The following CMBL variants were observed in gnomAD, a reference collection of about 807,000 sequenced individuals.
CMBL encodes the protein carboxymethylenebutenolidase homolog (Pseudomonas).
Under a neutral mutation model 28.7 loss-of-function variants are expected in CMBL, and 17 were observed. The ratio of observed to expected loss-of-function variants is 0.59; its 90% confidence interval spans 0.41 to 0.89. The LOEUF (loss-of-function observed/expected upper bound fraction) is 0.89. Among genes scored for constraint, CMBL ranks in the 40% least tolerant of loss-of-function variants. The pLI is 0.00. For synonymous variants in CMBL, 106 were observed against 101.6 expected (o/e 1.04, Z -0.26); for missense variants, 310 against 298.5 (o/e 1.04, Z -0.28).
intron 5 of CMBL, among the ~76,000 whole-genome samples, chr5:10,281,940 A>C (rs1302809199): frequency 6.6e-6 from 1 of 152,098 alleles, no homozygotes; most frequent in African/African-American, 2.4e-5. Flanking sequence ...CAGGCAGATC[A>C]CCTGAAGTCA....
At chr5:10,283,306 C>T (rs1746536465) in intron 4 of CMBL, among the ~76,000 whole-genome samples, 1 of 152,134 alleles carries the variant, frequency 6.6e-6, no homozygotes, top group Non-Finnish European at 1.5e-5. Flanking sequence ...AATGTCAAAC[C>T]TTCGCTTGAG....
intron 1 of CMBL, among the ~76,000 whole-genome samples, chr5:10,291,666 C>CAA (rs34862174): frequency 2.9e-5 from 4 of 139,372 alleles, no homozygotes; most frequent in Non-Finnish European, 4.8e-5. Context: ...GTCTCAAAAA[C>CAA]AAAAAAAAAA....
At chr5:10,290,073 T>C (rs577700096) in intron 2 of CMBL, among the ~76,000 whole-genome samples, 8 of 152,216 alleles carry the variant, frequency 5.3e-5, no homozygotes, top group Non-Finnish European at 1.2e-4. Flanking sequence ...GGTCTCACTG[T>C]GCCACTTCTG....
intron 1 of CMBL, among the ~76,000 whole-genome samples, chr5:10,304,619 T>C (rs919999241): frequency 6.6e-6 from 1 of 152,228 alleles, no homozygotes; most frequent in African/African-American, 2.4e-5. Flanking sequence ...CATTCTTTAG[T>C]TGACAAAAGA....
rs779980363 is a variant in CMBL at position 10,280,396 on chromosome 5, T to C, written c.*57A>G. The C allele has an allele frequency of 1.1e-5, 15 of 1,374,028 alleles. No individual in the cohort carries two copies. The highest frequency in any genetic ancestry group is 1.5e-5 in the Non-Finnish European group (15 of 1,009,792). 85.1% of individuals were successfully genotyped at this position (1,374,028 alleles called of 1,614,324 possible). On this transcript the variant is annotated 3_prime_UTR_variant, in exon 6 of 6. Transcript: ENST00000296658. The stretch of plus-strand genomic sequence containing the variant: ...AAAATTAAATCAAATGATCTAACTA[T>C]TTCCAAGCAAATTTTGGGATGAAAG...
chr5:10,292,707 C>T (rs1746747861), intron 1 of CMBL, among the ~76,000 whole-genome samples: 1 of 151,704 alleles, frequency 6.6e-6, no homozygotes, highest in African/African-American at 2.4e-5. Context: ...GCCTGTAGTC[C>T]CAGCTACTTG....
chr5:10,289,148 GA>G lies in CMBL; in HGVS notation c.216-620del. Among the ~76,000 whole-genome samples, 2 of 152,314 alleles carry G rather than the reference GA, an allele frequency of 1.3e-5. No homozygotes were observed. Among genetic ancestry groups the G allele is most frequent in the African/African-American group, 4.8e-5 (2 of 41,564 alleles). On this transcript the variant is annotated intron_variant, in intron 2 of 5. Transcript: ENST00000296658. This position sits in a 1 kb window ranked among gnomAD's most constrained non-coding sequence, Gnocchi z 4.3. ...GGGTTGAGTCCTGTTTCCCAAAATA[GA>G]ATTGCCACCTGGTTGGAGGAACAGG...
In CMBL at chr5:10,292,384, A is replaced by G. The variant is rs28592880; in HGVS notation, c.-19-1603T>C. Among the ~76,000 whole-genome samples, 678 of 152,178 alleles carry G rather than the reference A, an allele frequency of 4.5e-3. 5 individuals are homozygous for G. The highest frequency in any genetic ancestry group is 0.016 in the African/African-American group (650 of 41,530). The stretch of plus-strand genomic sequence containing the variant: ...CACAATCAGCTCCTTTTTTTAGAAT[A>G]AAAATTTTATACAGACAAGGTCTCA... On this transcript the variant is annotated intron_variant, in intron 1 of 5. Coordinates refer to ENST00000296658, the MANE Select transcript of CMBL (RefSeq NM_138809.4).
At chr5:10,283,261 C>T (rs1420873984) in intron 4 of CMBL, among the ~76,000 whole-genome samples, 1 of 152,150 alleles carries the variant, frequency 6.6e-6, no homozygotes, top group Non-Finnish European at 1.5e-5. Flanking sequence ...TGAGGAATGT[C>T]CCGCTGGGAT....
chr5:10,288,559 G>T, intron 2 of CMBL, 30 bp from the exon 3 acceptor site: 1 of 1,453,842 alleles, frequency 6.9e-7, no homozygotes, highest in Non-Finnish European at 9.7e-7. Flanking sequence ...ATTGATCTTA[G>T]TTTCAGAGTT....
intron 1 of CMBL, among the ~76,000 whole-genome samples, chr5:10,295,103 G>A (rs1363482752): frequency 6.8e-6 from 1 of 147,356 alleles, no homozygotes; most frequent in Admixed American, 6.7e-5. Flanking sequence ...TTTTTTTTGA[G>A]ACAGAGACTC....
chr5:10,295,714 G>A (rs1403228138), intron 1 of CMBL, among the ~76,000 whole-genome samples: 1 of 152,158 alleles, frequency 6.6e-6, no homozygotes, highest in East Asian at 1.9e-4. Context: ...GCCCTCAGCA[G>A]ACATTGGATC....
chr5:10,302,153 G>A (rs774367179), intron 1 of CMBL, among the ~76,000 whole-genome samples: 3 of 152,104 alleles, frequency 2.0e-5, no homozygotes, highest in Non-Finnish European at 4.4e-5. Context: ...TTTCTACCCT[G>A]GCAAGTCTCA....
intron 1 of CMBL, among the ~76,000 whole-genome samples, chr5:10,302,039 G>A (rs1021965922): frequency 5.9e-5 from 9 of 152,304 alleles, no homozygotes; most frequent in East Asian, 1.9e-4. Context: ...GGAGACGCCC[G>A]TGTGTGTCGA....
intron 1 of CMBL, among the ~76,000 whole-genome samples, chr5:10,291,479 G>A (rs1390776765): frequency 2.0e-5 from 3 of 151,978 alleles, no homozygotes; most frequent in Non-Finnish European, 4.4e-5. Context: ...TGGCTAACAC[G>A]GTGAAACCCC....
chr5:10,294,909 T>C (rs986175471), intron 1 of CMBL, among the ~76,000 whole-genome samples: 36 of 152,132 alleles, frequency 2.4e-4, no homozygotes, highest in Admixed American at 9.8e-4. Flanking sequence ...GGACTTCAGT[T>C]TGGGGCATAT....
intron 1 of CMBL, among the ~76,000 whole-genome samples, chr5:10,299,021 A>G (rs536783996): frequency 1.5e-4 from 23 of 152,300 alleles, no homozygotes; most frequent in African/African-American, 4.8e-4. Context: ...TATGCTTGAG[A>G]TTTTCCATGA....
In CMBL at chr5:10,288,546, T is replaced by G; in HGVS notation, c.216-17A>C. On this transcript the variant is annotated splice_polypyrimidine_tract_variant and intron_variant, in intron 2 of 5. Transcript: ENST00000296658. Reference sequence around the variant, plus strand: ...ACAATGGTTCTGCAAAATATGGACATGAATTGATCTTAGTTTCAGAGTTGC... The same window carrying G: ...ACAATGGTTCTGCAAAATATGGACAGGAATTGATCTTAGTTTCAGAGTTGC... 1 of 1,536,478 alleles carries G rather than the reference T, an allele frequency of 6.5e-7. No individual in the cohort carries two copies.
Position 10,298,053 on chromosome 5 carries a change from G to A in CMBL, c.-19-7272C>T, listed in dbSNP as rs903055623. ...GCCAGGTCCAGCAGTGGGAACAGGC[G>A]AAGAGCAGGCGCAGAGCAGGCAGAG... On this transcript the variant is annotated intron_variant, in intron 1 of 5. Transcript: ENST00000296658. 2.6e-5 allele frequency among the ~76,000 whole-genome samples: 4 copies of A among 151,704 alleles called. No individual in the cohort carries two copies. The South Asian group carries it at 6.3e-4, about 24-fold the overall frequency.
Sources: gnomAD v4.1 joint callset for allele counts (sites outside exome capture counted in the v4.1 genomes callset) on GRCh38, gnomAD v4.1.1 for gene constraint, Gnocchi (gnomAD v3.1) non-coding constraint, MANE v1.5 for transcripts, NCBI Gene and HGNC (gene_info 2026-07-23, HGNC 2026-07-21) for gene names.